The following MDGA2 variants were observed in gnomAD, a reference collection of about 807,000 sequenced individuals.
The protein encoded by MDGA2 is MAM domain-containing glycosylphosphatidylinositol anchor protein 2.
Under a neutral mutation model 117.8 loss-of-function variants are expected in MDGA2, and 40 were observed. That is an observed-to-expected ratio of 0.34 (90% CI 0.26 to 0.44). The LOEUF (loss-of-function observed/expected upper bound fraction) is 0.44, where lower values mean the gene tolerates loss of function less well. Ranked by LOEUF, MDGA2 falls within the 20% of genes least tolerant of loss-of-function variation. The pLI, the probability that MDGA2 is intolerant of heterozygous loss-of-function variation, is 1.00. For synonymous variants in MDGA2, 452 were observed against 439.0 expected, an observed-to-expected ratio of 1.03 and a Z score of -0.37; for missense variants, 1,123 against 1,250.6, an observed-to-expected ratio of 0.90 and a Z score of 1.54.
At position 47,636,461 on chromosome 14, in the gene MDGA2, T is replaced by C. The variant is rs118097374; in HGVS notation, c.280+38056A>G. Among the ~76,000 whole-genome samples, 291 of 152,128 alleles carry C rather than the reference T, an allele frequency of 1.9e-3. 2 individuals are homozygous for C. In the East Asian group the frequency reaches 0.042, roughly 22 times the overall value. ...TACAGAAAGCTACATCAACTGAAGATATCTAGCATCCAGAAGCCAGCATTA... is the reference window on the plus strand; with the variant it reads ...TACAGAAAGCTACATCAACTGAAGACATCTAGCATCCAGAAGCCAGCATTA... On this transcript the variant is annotated intron_variant, in intron 1 of 16. Transcript: ENST00000399232.
intron 1 of MDGA2, among the ~76,000 whole-genome samples, chr14:47,342,334 T>C (rs1475684415): frequency 1.3e-5 from 2 of 149,104 alleles, no homozygotes; most frequent in African/African-American, 2.4e-5. Flanking sequence ...ATAACATATA[T>C]AAATATGTGT....
At chr14:46,993,585 C>T (rs549050725) in intron 8 of MDGA2, among the ~76,000 whole-genome samples, 5 of 151,928 alleles carry the variant, frequency 3.3e-5, no homozygotes, top group Non-Finnish European at 7.4e-5. Flanking sequence ...CATCAGCCTC[C>T]CGAGTATCTG....
At chr14:46,900,793 AAC>A (rs1057206134) in intron 10 of MDGA2, among the ~76,000 whole-genome samples, 19 of 152,200 alleles carry the variant, frequency 1.2e-4, no homozygotes, top group African/African-American at 4.6e-4. Context: ...CGCACATGCA[AAC>A]ACAGATACAC....
intron 3 of MDGA2, among the ~76,000 whole-genome samples, chr14:47,173,853 G>A (rs1366787615): frequency 2.6e-5 from 4 of 152,104 alleles, no homozygotes; most frequent in Admixed American, 2.6e-4. Context: ...ACACGGACTG[G>A]CAAATTGGAT....
chr14:47,187,916 G>T (rs1884968955), intron 3 of MDGA2, among the ~76,000 whole-genome samples: 1 of 148,830 alleles, frequency 6.7e-6, no homozygotes, highest in Admixed American at 6.7e-5. Context: ...ATTAAAGTAG[G>T]TTGTGTGTGT....
intron 1 of MDGA2, among the ~76,000 whole-genome samples, chr14:47,630,697 G>C (rs1205841290): frequency 2.0e-5 from 3 of 152,148 alleles, no homozygotes; most frequent in African/African-American, 7.2e-5. Context: ...AAGGAAGTAA[G>C]GACATCTAGA....
intron 7 of MDGA2, among the ~76,000 whole-genome samples, chr14:47,044,465 T>C (rs1566590133): frequency 1.3e-5 from 2 of 152,186 alleles, no homozygotes; most frequent in Non-Finnish European, 2.9e-5. Flanking sequence ...AATGTCCATG[T>C]GGATCTATAT....
chr14:47,307,281 T>G (rs983927676), intron 1 of MDGA2, among the ~76,000 whole-genome samples: 11 of 152,214 alleles, frequency 7.2e-5, no homozygotes, highest in Admixed American at 7.2e-4. Flanking sequence ...GATTTTTATA[T>G]ATTTTTTGTG....
intron 8 of MDGA2, among the ~76,000 whole-genome samples, chr14:46,994,850 A>G (rs531097383): frequency 6.6e-6 from 1 of 152,274 alleles, no homozygotes; most frequent in African/African-American, 2.4e-5. Flanking sequence ...AATTAAATAT[A>G]ATTCCTTATA....
chr14:47,563,576 C>CTTTTT (rs1650344812), intron 1 of MDGA2, among the ~76,000 whole-genome samples: 1 of 22,490 alleles, frequency 4.4e-5, no homozygotes, highest in Non-Finnish European at 9.0e-5. Flanking sequence ...CTGCTTTTTT[C>CTTTTT]TGTTTTTTTT....
At chr14:47,542,308 G>A (rs1895369304) in intron 1 of MDGA2, among the ~76,000 whole-genome samples, 1 of 152,018 alleles carries the variant, frequency 6.6e-6, no homozygotes, top group Non-Finnish European at 1.5e-5. Flanking sequence ...TTTATTTTTT[G>A]AAAAGCACAT....
intron 1 of MDGA2, among the ~76,000 whole-genome samples, chr14:47,588,565 T>C (rs556241852): frequency 3.2e-4 from 48 of 152,028 alleles, no homozygotes; most frequent in African/African-American, 1.1e-3. Flanking sequence ...TGGCCATTTT[T>C]TAATTGAGTA....
rs139696862 is a variant in MDGA2 at position 46,940,521 on chromosome 14, A to G, written c.2089+16853T>C. 1.7e-3 allele frequency among the ~76,000 whole-genome samples: 259 copies of G among 151,698 alleles called. 1 individual carries two copies. The highest frequency in any genetic ancestry group is 5.9e-3 in the African/African-American group (243 of 41,372). ...CGGGCGCCTGTAATCCCAGCTACTC[A>G]GGAGGTTGAAGTGGAAGAATTGCTC... On this transcript the variant is annotated intron_variant, in intron 9 of 16. Coordinates refer to ENST00000399232, the MANE Select transcript of MDGA2 (RefSeq NM_001113498.3).
intron 12 of MDGA2, among the ~76,000 whole-genome samples, chr14:46,875,817 T>C (rs1882204803): frequency 6.6e-6 from 1 of 151,640 alleles, no homozygotes; most frequent in African/African-American, 2.4e-5. Flanking sequence ...ACAGAACAAA[T>C]GTAAAGATAA....
chr14:47,083,963 C>G (rs1224625688), intron 6 of MDGA2, among the ~76,000 whole-genome samples: 1 of 152,008 alleles, frequency 6.6e-6, no homozygotes, highest in Non-Finnish European at 1.5e-5. Context: ...GAAAAATAGA[C>G]AAATCCACAA....
intron 1 of MDGA2, among the ~76,000 whole-genome samples, chr14:47,324,530 C>T (rs144080224): frequency 2.0e-5 from 3 of 152,188 alleles, no homozygotes; most frequent in African/African-American, 7.2e-5. Context: ...GTCGCAGAAC[C>T]ATCGAGCCAA....
intron 1 of MDGA2, among the ~76,000 whole-genome samples, chr14:47,395,540 A>G (rs2138447308): frequency 6.6e-6 from 1 of 152,320 alleles, no homozygotes; most frequent in African/African-American, 2.4e-5. Flanking sequence ...ATAATTTACT[A>G]AAGTAAATAC....
At chr14:47,027,640 T>C (rs919258319) in intron 8 of MDGA2, among the ~76,000 whole-genome samples, 26 of 149,558 alleles carry the variant, frequency 1.7e-4, no homozygotes, top group African/African-American at 6.1e-4. Flanking sequence ...TATATATATA[T>C]ATATGCAATG....
In MDGA2 at chr14:46,848,161, C is replaced by G. The variant is rs573502104; in HGVS notation, c.2884-2290G>C. 3.1e-4 allele frequency among the ~76,000 whole-genome samples: 47 copies of G among 152,032 alleles called. 1 individual carries two copies. The highest frequency in any genetic ancestry group is 1.1e-3 in the African/African-American group (47 of 41,530). On this transcript the variant is annotated intron_variant, in intron 15 of 16. Transcript: ENST00000399232. ...CACCTGCTCGCACTTGAAATTTACA[C>G]AGATAAAGCTGAAGTCAAAATCCTT...
Sources: allele counts gnomAD v4.1 joint callset (sites outside exome capture counted in the v4.1 genomes callset), GRCh38; gene constraint gnomAD v4.1.1; transcripts MANE v1.5; gene names NCBI Gene and HGNC (gene_info 2026-07-23, HGNC 2026-07-21).